The following PEX14 variants were observed in gnomAD, a reference collection of about 807,000 sequenced individuals.
PEX14 encodes peroxisomal biogenesis factor 14.
In PEX14, 15 loss-of-function variants were observed where a neutral mutation model predicts 49.5. That is an observed-to-expected ratio of 0.30 (90% CI 0.20 to 0.47). The LOEUF (loss-of-function observed/expected upper bound fraction) is 0.47. Among genes scored for constraint, PEX14 ranks in the 20% least tolerant of loss-of-function variants. The probability of loss-of-function intolerance (pLI) is 1.00; values close to 1 mark genes in which losing one functional copy is unlikely to be tolerated. For missense variants in PEX14, 398 were observed against 494.8 expected, an observed-to-expected ratio of 0.80 and a Z score of 1.86; for synonymous variants, 210 against 212.7, an observed-to-expected ratio of 0.99 and a Z score of 0.11.
chr1:10,516,235 C>T (rs1641967591), intron 2 of PEX14, among the ~76,000 whole-genome samples: 2 of 152,206 alleles, frequency 1.3e-5, no homozygotes, highest in African/African-American at 4.8e-5. Context: ...ATGCTGTTCT[C>T]TGGTTGTTCC....
intron 3 of PEX14, among the ~76,000 whole-genome samples, chr1:10,563,241 T>G (rs1639703975): frequency 6.6e-6 from 1 of 151,410 alleles, no homozygotes; most frequent in South Asian, 2.1e-4. Flanking sequence ...TCTAATCCTC[T>G]TACTATTGAA....
Position 10,547,940 on chromosome 1 carries a change from G to A in PEX14, c.169+11643G>A, listed in dbSNP as rs114518949. ...GATTTTAAGAAAACTTGTTGGCTGG[G>A]TGCAGTGGCTCACGTCTGTAATCCC... On this transcript the variant is annotated intron_variant, in intron 3 of 8. Coordinates refer to ENST00000356607, the MANE Select transcript of PEX14 (RefSeq NM_004565.3). Among the ~76,000 whole-genome samples the A allele has an allele frequency of 2.4e-3, 358 of 152,292 alleles. 2 individuals carry two copies. The highest frequency in any genetic ancestry group is 7.6e-3 in the African/African-American group (314 of 41,560).
chr1:10,531,010 C>T (rs12063215), intron 2 of PEX14, among the ~76,000 whole-genome samples: 12,231 of 152,152 alleles, frequency 0.08, 1,241 homozygotes, highest in African/African-American at 0.24. Context: ...CCTTCCCTCC[C>T]CAGCCTGTTC....
At chr1:10,523,901 G>A (rs1158973869) in intron 2 of PEX14, among the ~76,000 whole-genome samples, 1 of 150,638 alleles carries the variant, frequency 6.6e-6, no homozygotes, top group Non-Finnish European at 1.5e-5. Context: ...GTATCCGGGA[G>A]TCCTCGTCAA....
chr1:10,552,831 A>G (rs867769275), intron 3 of PEX14, among the ~76,000 whole-genome samples: 7 of 152,198 alleles, frequency 4.6e-5, no homozygotes, highest in East Asian at 1.9e-4. Context: ...AGGTGCCTCC[A>G]TTCATGGAGG....
At chr1:10,583,532 T>C (rs1640391831) in intron 3 of PEX14, among the ~76,000 whole-genome samples, 1 of 152,012 alleles carries the variant, frequency 6.6e-6, no homozygotes. Context: ...TTTTACACAT[T>C]TTTATTGAAT....
rs888799120 is a variant in PEX14 at position 10,512,415 on chromosome 1, G to A, written c.84+17094G>A. The stretch of plus-strand genomic sequence containing the variant: ...TGGCCAGGGAAACAGAGACTTCTGT[G>A]GATTCATCCAAAGGATGGCAGACAG... On this transcript the variant is annotated intron_variant, in intron 2 of 8. Coordinates refer to ENST00000356607, the MANE Select transcript of PEX14 (RefSeq NM_004565.3). This position sits in a 1 kb window ranked among gnomAD's most constrained non-coding sequence, Gnocchi z 4.6. Among the ~76,000 whole-genome samples, 1 of 152,146 alleles carries A rather than the reference G, an allele frequency of 6.6e-6. No individual in the cohort carries two copies. The highest frequency in any genetic ancestry group is 2.1e-4 in the South Asian group (1 of 4,824).
chr1:10,535,855 A>G (rs768013139), intron 2 of PEX14: 9 of 359,250 alleles, frequency 2.5e-5, no homozygotes, highest in African/African-American at 4.3e-5. Context: ...GAGGCCTTCC[A>G]GAAAGACAGC....
chr1:10,541,165 A>G (rs1638997536), intron 3 of PEX14, among the ~76,000 whole-genome samples: 1 of 152,246 alleles, frequency 6.6e-6, no homozygotes, highest in South Asian at 2.1e-4. Flanking sequence ...AAGAGAGGAC[A>G]GTGGGCAAAA....
chr1:10,598,873 TCC>T (rs35772106), intron 3 of PEX14, among the ~76,000 whole-genome samples: 1 of 134,702 alleles, frequency 7.4e-6, no homozygotes, highest in African/African-American at 2.7e-5. Context: ...GTTAGTTTTT[TCC>T]CCTCTTTTTT....
In PEX14 at chr1:10,623,345, G is replaced by T. The variant is rs889267095; in HGVS notation, c.487+224G>T. On this transcript the variant is annotated intron_variant, in intron 6 of 8. Coordinates refer to ENST00000356607, the MANE Select transcript of PEX14 (RefSeq NM_004565.3). This position sits in a 1 kb window ranked among gnomAD's most constrained non-coding sequence, Gnocchi z 4.4. ...CAATTAATTATGTTTTTACGGAAAGGCTCCCAACCTCAGAATATTAATAAG... is the reference window on the plus strand; with the variant it reads ...CAATTAATTATGTTTTTACGGAAAGTCTCCCAACCTCAGAATATTAATAAG... The T allele has an allele frequency of 2.0e-4, 100 of 509,746 alleles. No homozygotes were observed. The highest frequency in any genetic ancestry group is 3.2e-5 in the Non-Finnish European group (9 of 278,012). 31.6% of individuals were successfully genotyped at this position (509,746 alleles called of 1,614,324 possible).
rs192089174 is a variant in PEX14 at position 10,593,179 on chromosome 1, A to T, written c.170-6059A>T. Among the ~76,000 whole-genome samples the T allele has an allele frequency of 5.9e-4, 89 of 152,082 alleles. 1 individual carries two copies. Among genetic ancestry groups the T allele is most frequent in the Non-Finnish European group, 1.1e-3 (74 of 67,984 alleles). ...CACATTTAATGTATTTAAAGGATAT[A>T]TTGTCTTTATGGTTCACTGGGATAA... On this transcript the variant is annotated intron_variant, in intron 3 of 8. Transcript: ENST00000356607.
At chr1:10,609,460 T>A (rs576102) in intron 4 of PEX14, among the ~76,000 whole-genome samples, 29,133 of 152,160 alleles carry the variant, frequency 0.19, 3,423 homozygotes, top group African/African-American at 0.34. Flanking sequence ...AACACTACAA[T>A]CACAATATAG....
chr1:10,536,390 C>CA, intron 3 of PEX14, 93 bp downstream of exon 3: 1 of 830,240 alleles, frequency 1.2e-6, no homozygotes, highest in Non-Finnish European at 2.1e-6. Context: ...GCTGAGCTGC[C>CA]AGGACTTCCT....
At chr1:10,606,467 A>G (rs1641129864) in intron 4 of PEX14, among the ~76,000 whole-genome samples, 2 of 152,170 alleles carry the variant, frequency 1.3e-5, no homozygotes, top group East Asian at 1.9e-4. Flanking sequence ...TCGTCAGCAC[A>G]TGTCCTCAGC....
intron 4 of PEX14, among the ~76,000 whole-genome samples, chr1:10,614,548 A>G (rs964889876): frequency 6.6e-6 from 1 of 152,206 alleles, no homozygotes; most frequent in African/African-American, 2.4e-5. Flanking sequence ...GACAGCCCAG[A>G]GGGCCCCAGA....
intron 7 of PEX14, among the ~76,000 whole-genome samples, chr1:10,624,972 T>C (rs1039819181): frequency 2.0e-5 from 3 of 152,192 alleles, no homozygotes; most frequent in African/African-American, 7.2e-5. Flanking sequence ...GGCAGTGTCC[T>C]TGCCTCACTG....
intron 3 of PEX14, among the ~76,000 whole-genome samples, chr1:10,563,620 C>T (rs1639716074): frequency 6.7e-6 from 1 of 149,122 alleles, no homozygotes; most frequent in African/African-American, 2.5e-5. Flanking sequence ...AGCGAAACTC[C>T]GTCTCAAAAA....
intron 4 of PEX14, 118 bp downstream of exon 4, chr1:10,599,484 A>G: frequency 8.2e-7 from 1 of 1,218,942 alleles, no homozygotes; most frequent in South Asian, 1.2e-5. Flanking sequence ...AGCAGCAGAA[A>G]GCTCTTGGGT....
Sources: allele counts gnomAD v4.1 joint callset (sites outside exome capture counted in the v4.1 genomes callset), GRCh38; gene constraint gnomAD v4.1.1; non-coding constraint Gnocchi (gnomAD v3.1); transcripts MANE v1.5; gene names NCBI Gene and HGNC (gene_info 2026-07-23, HGNC 2026-07-21).